Variants in MYH14 observed in about 807,000 individuals in gnomAD.
MYH14 encodes myosin heavy chain 14.
A neutral mutation model predicts 255.5 loss-of-function variants in MYH14; 123 were observed. That is an observed-to-expected ratio of 0.48 (90% CI 0.42 to 0.56). MYH14 has a LOEUF of 0.56. Among genes scored for constraint, MYH14 ranks in the 20% least tolerant of loss-of-function variants. The pLI is 0.00. For synonymous variants in MYH14, 1,095 were observed against 1,161.2 expected, an observed-to-expected ratio of 0.94 and a Z score of 1.16; for missense variants, 2,423 against 2,802.3, an observed-to-expected ratio of 0.86 and a Z score of 3.06.
At chr19:50,238,974 C>G (rs776623887) in intron 10 of MYH14, among the ~76,000 whole-genome samples, 3 of 152,118 alleles carry the variant, frequency 2.0e-5, no homozygotes, top group Non-Finnish European at 4.4e-5. Flanking sequence ...TTATCCAGTC[C>G]ACAGACCTTA....
At position 50,292,263 on chromosome 19, in the gene MYH14, C is replaced by G; in HGVS notation, c.5130C>G (p.Ala1710=). ...TCTACCTATTCCGTTCCACCCAGGCCCAGATGAAGGAGCTATGGCGGGAGG... is the reference window on the plus strand; with the variant it reads ...TCTACCTATTCCGTTCCACCCAGGCGCAGATGAAGGAGCTATGGCGGGAGG... ...EAVKQLRKMQ[A]QMKELWREVE... Residue 1710 remains alanine (A), a splice_region_variant and synonymous_variant, in exon 37 of 43, where the codon GCC becomes GCG. Coordinates refer to ENST00000642316, the MANE Select transcript of MYH14 (RefSeq NM_001145809.2). The G allele has an allele frequency of 1.2e-6, 2 of 1,604,456 alleles. No homozygotes were observed. The highest frequency in any genetic ancestry group is 8.5e-7 in the Non-Finnish European group (1 of 1,176,158).
In MYH14 at chr19:50,250,464, T is replaced by G; in HGVS notation, c.1657-51T>G. On this transcript the variant is annotated intron_variant, in intron 14 of 42. Coordinates refer to ENST00000642316, the MANE Select transcript of MYH14 (RefSeq NM_001145809.2). The surrounding 1 kb of genome is among the most constrained non-coding windows in gnomAD (Gnocchi z 5.4). ...AGCTAAAAATCAGCAGCCACCTGAGTGTCCAATATGTGGGGATCTGACTTA... is the reference window on the plus strand; with the variant it reads ...AGCTAAAAATCAGCAGCCACCTGAGGGTCCAATATGTGGGGATCTGACTTA... The G allele has an allele frequency of 1.3e-6, 2 of 1,562,776 alleles. No individual in the cohort carries two copies. Among genetic ancestry groups the G allele is most frequent in the Non-Finnish European group, 1.7e-6 (2 of 1,145,064 alleles).
intron 40 of MYH14, among the ~76,000 whole-genome samples, chr19:50,306,582 G>A (rs2036661417): frequency 6.6e-6 from 1 of 152,170 alleles, no homozygotes; most frequent in Non-Finnish European, 1.5e-5. Context: ...ATATTAATGT[G>A]CATGAACACA....
chr19:50,309,660 CCA>C lies in MYH14; in HGVS notation c.5983_5984del (p.Thr1995ProfsTer33). The C allele has an allele frequency of 6.2e-7, 1 of 1,610,050 alleles. No homozygotes were observed. Among genetic ancestry groups the C allele is most frequent in the Non-Finnish European group, 8.5e-7 (1 of 1,178,386 alleles). ...CACAGACGCGGCCCCCTCACCTTCA[CCA>C]CCCGCACGGTGCGCCAGGTCTTCCG... On this transcript the variant is annotated frameshift_variant, in exon 43 of 43. Transcript: ENST00000642316. LOFTEE classifies it low-confidence loss of function (END_TRUNC).
intron 2 of MYH14, among the ~76,000 whole-genome samples, chr19:50,214,834 A>G (rs1044200915): frequency 5.9e-5 from 9 of 152,080 alleles, no homozygotes; most frequent in Non-Finnish European, 1.2e-4. Flanking sequence ...AGGTAGGATG[A>G]GTGATGTAAG....
At chr19:50,265,164 C>T (rs918653418) in intron 22 of MYH14, among the ~76,000 whole-genome samples, 42 of 152,124 alleles carry the variant, frequency 2.8e-4, no homozygotes, top group African/African-American at 9.7e-4. Context: ...AAAGCCCTTT[C>T]GTTAGCATGG....
chr19:50,223,051 G>A (rs2032915247), intron 3 of MYH14, 32 bp from the exon 4 acceptor site: 2 of 1,608,442 alleles, frequency 1.2e-6, no homozygotes. Context: ...GACTCTCTCA[G>A]ATGACATATT....
chr19:50,218,424 G>A (rs1383654033), intron 3 of MYH14, among the ~76,000 whole-genome samples: 11 of 151,804 alleles, frequency 7.2e-5, no homozygotes, highest in Admixed American at 1.3e-4. Flanking sequence ...GTGAAACCCC[G>A]TCTCTACTAA....
At position 50,293,681 on chromosome 19, in the gene MYH14, C is replaced by T. The variant is rs370616094; in HGVS notation, c.5463C>T (p.Leu1821=). The change falls in exon 39 of 43, where the codon CTC becomes CTT. Residue 1821 remains leucine (L), a synonymous_variant. Transcript: ENST00000642316. This position sits in a 1 kb window ranked among gnomAD's most constrained non-coding sequence, Gnocchi z 4.1. The stretch of plus-strand genomic sequence containing the variant: ...TCAATGACCGCTACCGCAAGCTGCT[C>T]CTGCAGGTGAGCGTGATTGACCGCC... The part of the protein sequence containing the change: ...ELLNDRYRKL[L]LQVESLTTEL... 1.4e-5 allele frequency: 22 copies of T among 1,577,160 alleles called. No homozygotes were observed. The highest frequency in any genetic ancestry group is 3.6e-5 in the Admixed American group (2 of 55,874).
chr19:50,212,813 A>G (rs1456218156), intron 2 of MYH14, among the ~76,000 whole-genome samples: 1 of 152,132 alleles, frequency 6.6e-6, no homozygotes, highest in Non-Finnish European at 1.5e-5. Context: ...TCCAGTCTGC[A>G]CTGGCCCTTT....
At chr19:50,253,442 CAAA>C (rs35465096) in intron 16 of MYH14, among the ~76,000 whole-genome samples, 3 of 118,588 alleles carry the variant, frequency 2.5e-5, no homozygotes, top group African/African-American at 2.9e-5. Context: ...GACTCTGTCC[CAAA>C]AAAAAAAAAA....
rs1316192833 is a variant in MYH14 at position 50,210,789 on chromosome 19, G to C, written c.405+19G>C. The C allele has an allele frequency of 6.5e-7, 1 of 1,549,310 alleles. No homozygotes were observed. The highest frequency in any genetic ancestry group is 2.1e-5 in the Admixed American group (1 of 48,424). On this transcript the variant is annotated intron_variant, in intron 2 of 42. Transcript: ENST00000642316. ...CATCTACGTGAGTGGGCTCCTGCTG[G>C]GGGGCGCGTGCGGCGGAGTTGCTGC... is the stretch of plus-strand genomic sequence containing the variant.
At chr19:50,301,307 C>G (rs970673181) in intron 39 of MYH14, among the ~76,000 whole-genome samples, 1 of 152,166 alleles carries the variant, frequency 6.6e-6, no homozygotes, top group African/African-American at 2.4e-5. Context: ...CAAGCTCCCC[C>G]AGATGATCCT....
At position 50,268,244 on chromosome 19, in the gene MYH14, G is replaced by A. The variant is rs754132001; in HGVS notation, c.2910G>A (p.Arg970=). ...LCAEAEETRG[R]LAARKQELEL... ...CAGAGGCCGAGGAGACGCGGGGGAG[G>A]CTGGCAGCCCGCAAGCAGGAGCTGG... Residue 970 remains arginine (R), a synonymous_variant, in exon 24 of 43, where the codon AGG becomes AGA. Coordinates refer to ENST00000642316, the MANE Select transcript of MYH14 (RefSeq NM_001145809.2). 12 of 1,567,848 alleles carry A rather than the reference G, an allele frequency of 7.7e-6. No homozygotes were observed. The South Asian group carries it at 1.2e-4, about 15-fold the overall frequency.
intron 10 of MYH14, among the ~76,000 whole-genome samples, chr19:50,235,440 C>T (rs2033618753): frequency 1.3e-5 from 2 of 151,782 alleles, no homozygotes; most frequent in Non-Finnish European, 2.9e-5. Context: ...CCCCCTGGAC[C>T]CTGGCCCAGC....
At chr19:50,241,314 AGTCCCAGCTACTTG>A (rs773695582) in intron 10 of MYH14, among the ~76,000 whole-genome samples, 12 of 152,210 alleles carry the variant, frequency 7.9e-5, no homozygotes, top group Non-Finnish European at 1.6e-4. Flanking sequence ...ATGTGCCTGT[AGTCCCAGCTACTTG>A]GGAGGCTGAG....
At position 50,223,340 on chromosome 19, in the gene MYH14, G is replaced by A. The variant is rs534232488; in HGVS notation, c.684G>A (p.Pro228=). The A allele has an allele frequency of 3.1e-5, 48 of 1,572,182 alleles. No individual in the cohort carries two copies. In the East Asian group the frequency reaches 4.0e-4, roughly 13 times the overall value. The change falls in exon 5 of 43, where the codon CCG becomes CCA. Residue 228 remains proline (P), a synonymous_variant. Coordinates refer to ENST00000642316, the MANE Select transcript of MYH14 (RefSeq NM_001145809.2). ...VASSPKGRKE[P]GVPASVSTVS... is the part of the protein sequence containing the mutation. ...CGTCTCCAAAGGGCAGGAAGGAGCC[G>A]GGTGTCCCCGTAAGCAACCCCGCCT...
chr19:50,246,870 G>A (rs1036040086), intron 11 of MYH14, 134 bp from the exon 12 acceptor site: 78 of 629,528 alleles, frequency 1.2e-4, no homozygotes, highest in Non-Finnish European at 1.8e-4. Flanking sequence ...TTTGGGACTC[G>A]TAATGCCTCT....
intron 27 of MYH14, among the ~76,000 whole-genome samples, chr19:50,274,713 G>T (rs2035441908): frequency 6.6e-6 from 1 of 152,146 alleles, no homozygotes; most frequent in Non-Finnish European, 1.5e-5. Context: ...AGGGTCGCCT[G>T]AGCCCAGGAA....
Sources: gnomAD v4.1 joint callset for allele counts (sites outside exome capture counted in the v4.1 genomes callset) on GRCh38, gnomAD v4.1.1 for gene constraint, Gnocchi (gnomAD v3.1) non-coding constraint, MANE v1.5 for transcripts, NCBI Gene and HGNC (gene_info 2026-07-23, HGNC 2026-07-21) for gene names.